The following PTPRS variants were observed in gnomAD, a reference collection of about 807,000 sequenced individuals.
PTPRS encodes the protein receptor-type tyrosine-protein phosphatase S.
PTPRS carries 63 observed loss-of-function variants against 215.3 expected under a neutral mutation model. That is an observed-to-expected ratio of 0.29 (90% confidence interval 0.24 to 0.36). The LOEUF (loss-of-function observed/expected upper bound fraction) is 0.36. Among genes scored for constraint, PTPRS ranks in the 10% least tolerant of loss-of-function variants. The pLI is 1.00. For synonymous variants in PTPRS, 1,404 were observed against 1,191.4 expected, an observed-to-expected ratio of 1.18 and a Z score of -3.68; for missense variants, 2,258 against 2,825.8, an observed-to-expected ratio of 0.80 and a Z score of 4.56.
intron 16 of PTPRS, among the ~76,000 whole-genome samples, chr19:5,226,406 C>T (rs1243491605): frequency 6.6e-6 from 1 of 152,156 alleles, no homozygotes; most frequent in Non-Finnish European, 1.5e-5. Context: ...ATTTTGTGAG[C>T]CACTTATGAA....
At chr19:5,260,180 C>CTT (rs1169287515) in intron 7 of PTPRS, among the ~76,000 whole-genome samples, 71 of 135,870 alleles carry the variant, frequency 5.2e-4, no homozygotes, top group African/African-American at 1.6e-3. Flanking sequence ...CGTTTTGTTT[C>CTT]TTTTTTTTTT....
chr19:5,222,279 CACTGGGTGGCGTGAA>C, intron 18 of PTPRS, 59 bp from the exon 19 acceptor site: 16 of 1,432,844 alleles, frequency 1.1e-5, no homozygotes, highest in Non-Finnish European at 1.6e-5. Flanking sequence ...GAGTGCCTGG[CACTGGGTGGCGTGAA>C]GCGGGGTGGG....
chr19:5,281,545 G>A (rs371855959), intron 2 of PTPRS, among the ~76,000 whole-genome samples: 66 of 152,136 alleles, frequency 4.3e-4, no homozygotes, highest in African/African-American at 1.4e-3. Context: ...CTCCAAAGCC[G>A]ACATCTTACT....
intron 6 of PTPRS, among the ~76,000 whole-genome samples, 171 bp from the exon 7 acceptor site, chr19:5,260,993 T>C (rs1027632531): frequency 1.3e-5 from 2 of 151,984 alleles, no homozygotes; most frequent in Non-Finnish European, 2.9e-5. Context: ...CTGAGGAAGC[T>C]AGGAGAGGCC....
At chr19:5,328,453 G>GTC (rs2050229081) in intron 1 of PTPRS, among the ~76,000 whole-genome samples, 1 of 151,904 alleles carries the variant, frequency 6.6e-6, no homozygotes, top group South Asian at 2.1e-4. Context: ...GCTCAGGCTG[G>GTC]TCTCGAACTC....
chr19:5,314,155 C>T (rs2049800516), intron 1 of PTPRS, among the ~76,000 whole-genome samples: 1 of 151,968 alleles, frequency 6.6e-6, no homozygotes, highest in South Asian at 2.1e-4. Context: ...CAATCGAGAC[C>T]ACAGCTTCAG....
chr19:5,302,604 G>C (rs1344968039), intron 1 of PTPRS, among the ~76,000 whole-genome samples: 1 of 152,156 alleles, frequency 6.6e-6, no homozygotes, highest in Non-Finnish European at 1.5e-5. Context: ...GCAGGTGTTA[G>C]TGTCTGAGAT....
intron 1 of PTPRS, among the ~76,000 whole-genome samples, chr19:5,303,486 G>A (rs191775629): frequency 5.0e-4 from 76 of 152,298 alleles, no homozygotes; most frequent in African/African-American, 1.5e-3. Context: ...CTGTTCTGGG[G>A]AGACAGCGAC....
intron 11 of PTPRS, among the ~76,000 whole-genome samples, chr19:5,241,344 C>T (rs897027554): frequency 5.9e-5 from 9 of 152,034 alleles, no homozygotes; most frequent in East Asian, 3.9e-4. Context: ...AGTGTAGTGG[C>T]ACGATCATAG....
intron 1 of PTPRS, among the ~76,000 whole-genome samples, chr19:5,308,333 C>CT (rs2049570456): frequency 6.6e-6 from 1 of 152,130 alleles, no homozygotes; most frequent in African/African-American, 2.4e-5. Flanking sequence ...GATGGGAACT[C>CT]TTTAACTATA....
intron 4 of PTPRS, among the ~76,000 whole-genome samples, chr19:5,269,986 G>A (rs775243743): frequency 6.6e-6 from 1 of 151,706 alleles, no homozygotes; most frequent in African/African-American, 2.4e-5. Flanking sequence ...CAGACTCCGG[G>A]GGACCGGGCA....
chr19:5,207,883 G>C, intron 37 of PTPRS, 39 bp downstream of exon 37: 1 of 1,605,886 alleles, frequency 6.2e-7, no homozygotes, highest in Non-Finnish European at 8.5e-7. Context: ...CAGTCGGGGC[G>C]TGAGGCCAGG....
chr19:5,319,688 T>C (rs2049973885), intron 1 of PTPRS, among the ~76,000 whole-genome samples: 1 of 152,004 alleles, frequency 6.6e-6, no homozygotes, highest in South Asian at 2.1e-4. Flanking sequence ...GCCTCCTCGC[T>C]GTTCCTCCAA....
In PTPRS at chr19:5,267,516, G is replaced by T. The variant is rs577373408; in HGVS notation, c.380-2320C>A. Among the ~76,000 whole-genome samples, 3 of 152,130 alleles carry T rather than the reference G, an allele frequency of 2.0e-5. No homozygotes were observed. The East Asian group carries it at 5.8e-4, about 30-fold the overall frequency. On this transcript the variant is annotated intron_variant, in intron 4 of 37. Transcript: ENST00000262963. ...TACTAAAAATACAGAAATTAGCCAG[G>T]CATGGTGGCGGACGCCTGTAATCCC... is the stretch of plus-strand genomic sequence containing the variant.
intron 1 of PTPRS, among the ~76,000 whole-genome samples, chr19:5,308,397 A>T (rs1291625984): frequency 6.6e-6 from 1 of 152,198 alleles, no homozygotes; most frequent in Non-Finnish European, 1.5e-5. Context: ...AAGGGCAAGG[A>T]TTGTCTGCAT....
chr19:5,293,988 C>A lies in PTPRS; in HGVS notation c.-94-7754G>T, dbSNP rs1199484116. 6.6e-6 allele frequency among the ~76,000 whole-genome samples: 1 copy of A among 152,176 alleles called. No homozygotes were observed. The highest frequency in any genetic ancestry group is 2.4e-5 in the African/African-American group (1 of 41,444). On this transcript the variant is annotated intron_variant, in intron 1 of 37. Transcript: ENST00000262963. The surrounding 1 kb of genome is among the most constrained non-coding windows in gnomAD (Gnocchi z 8.4). ...GCGGCCAATCCGAGCCAGCGTTGCGCCCGGGGTGCGGGTTTGAAAACTCCA... is the reference window on the plus strand; with the variant it reads ...GCGGCCAATCCGAGCCAGCGTTGCGACCGGGGTGCGGGTTTGAAAACTCCA...
intron 4 of PTPRS, among the ~76,000 whole-genome samples, chr19:5,271,978 G>A (rs1000508523): frequency 3.7e-4 from 56 of 152,062 alleles, no homozygotes; most frequent in African/African-American, 7.5e-4. Flanking sequence ...CACCCGCCTC[G>A]GCCTCCCAAA....
intron 21 of PTPRS, 27 bp downstream of exon 21, chr19:5,220,233 C>T: frequency 1.9e-6 from 3 of 1,611,790 alleles, no homozygotes; most frequent in Non-Finnish European, 2.5e-6. Flanking sequence ...GCATCTGGGC[C>T]CTGCGGGTTG....
intron 17 of PTPRS, among the ~76,000 whole-genome samples, chr19:5,225,061 C>A (rs998490906): frequency 6.6e-6 from 1 of 152,132 alleles, no homozygotes; most frequent in African/African-American, 2.4e-5. Flanking sequence ...GTGTACCCTC[C>A]CCTTACATCT....
Sources: allele counts gnomAD v4.1 joint callset (sites outside exome capture counted in the v4.1 genomes callset), GRCh38; gene constraint gnomAD v4.1.1; non-coding constraint Gnocchi (gnomAD v3.1); transcripts MANE v1.5; gene names NCBI Gene and HGNC (gene_info 2026-07-23, HGNC 2026-07-21).